Variants in ABI3BP observed in about 807,000 individuals in gnomAD.
ABI3BP encodes the protein target of Nesh-SH3.
In ABI3BP, 216 loss-of-function variants were observed where a neutral mutation model predicts 268.6. The observed-to-expected ratio is 0.80, with a 90% CI of 0.72 to 0.90. ABI3BP has a LOEUF of 0.90. Ranked by LOEUF, ABI3BP falls within the 40% of genes least tolerant of loss-of-function variation. ABI3BP has a pLI of 0.00. For missense variants in ABI3BP, 2,090 were observed against 2,182.4 expected, an observed-to-expected ratio of 0.96 and a Z score of 0.84; for synonymous variants, 730 against 730.0, an observed-to-expected ratio of 1.00 and a Z score of 0.00.
intron 1 of ABI3BP, among the ~76,000 whole-genome samples, chr3:100,944,036 A>C (rs1347300944): frequency 6.6e-6 from 1 of 152,102 alleles, no homozygotes; most frequent in East Asian, 1.9e-4. Flanking sequence ...CCATATAATG[A>C]CTTCATCTTC....
At chr3:100,805,213 T>TA (rs1318779408) in intron 50 of ABI3BP, among the ~76,000 whole-genome samples, 7 of 152,204 alleles carry the variant, frequency 4.6e-5, no homozygotes, top group African/African-American at 1.7e-4. Context: ...GACTTCTCCT[T>TA]AAACCCATTT....
chr3:100,774,570 T>C (rs1279357814), intron 61 of ABI3BP, 35 bp downstream of exon 61: 8 of 1,518,746 alleles, frequency 5.3e-6, no homozygotes, highest in Admixed American at 2.3e-5. Flanking sequence ...AAAATGGCCT[T>C]TTCAAATGTG....
chr3:100,930,477 CT>C (rs1428398101), intron 1 of ABI3BP, among the ~76,000 whole-genome samples: 1 of 151,646 alleles, frequency 6.6e-6, no homozygotes, highest in Non-Finnish European at 1.5e-5. Context: ...TTAAGAAATT[CT>C]TTTAAAAAAA....
At chr3:100,752,678 T>A in intron 66 of ABI3BP, 109 bp downstream of exon 66, 9 of 1,206,374 alleles carry the variant, frequency 7.5e-6, no homozygotes, top group Non-Finnish European at 9.2e-6. Context: ...AACTTGTGTT[T>A]ACAGCACCCA....
At chr3:100,788,342 C>A (rs933199232) in intron 56 of ABI3BP, among the ~76,000 whole-genome samples, 56 of 152,188 alleles carry the variant, frequency 3.7e-4, no homozygotes, top group Middle Eastern at 3.4e-3. Flanking sequence ...AAAGTCATAG[C>A]CTTACCAAAG....
chr3:100,803,561 A>C (rs2097595111), intron 51 of ABI3BP, among the ~76,000 whole-genome samples: 1 of 124,228 alleles, frequency 8.0e-6, no homozygotes, highest in Admixed American at 7.8e-5. Context: ...CAGTAGGGCA[A>C]ATATTAAATA....
intron 6 of ABI3BP, among the ~76,000 whole-genome samples, chr3:100,880,383 C>T (rs2099214952): frequency 6.6e-6 from 1 of 152,204 alleles, no homozygotes; most frequent in African/African-American, 2.4e-5. Flanking sequence ...CTTCTTCCTT[C>T]CGTAGTTCTT....
intron 1 of ABI3BP, among the ~76,000 whole-genome samples, chr3:100,947,092 T>C (rs1464711995): frequency 1.3e-5 from 2 of 152,206 alleles, no homozygotes; most frequent in Non-Finnish European, 2.9e-5. Context: ...TATTTGTCAT[T>C]TTTATGGTAA....
At chr3:100,875,721 A>G in intron 7 of ABI3BP, 142 bp from the exon 8 acceptor site, 4 of 637,500 alleles carry the variant, frequency 6.3e-6, no homozygotes, top group South Asian at 5.7e-5. Context: ...CTGGCTATAT[A>G]GCCAACAGAA....
intron 1 of ABI3BP, among the ~76,000 whole-genome samples, chr3:100,987,657 G>T (rs758886892): frequency 2.6e-5 from 4 of 152,044 alleles, no homozygotes; most frequent in Non-Finnish European, 5.9e-5. Context: ...TGATTATTAA[G>T]GATTATTAAC....
chr3:100,918,282 G>A (rs1185280191), intron 2 of ABI3BP, among the ~76,000 whole-genome samples: 5 of 149,202 alleles, frequency 3.4e-5, no homozygotes, highest in South Asian at 4.3e-4. Flanking sequence ...TCATCCACCC[G>A]TCCACCCATC....
intron 58 of ABI3BP, among the ~76,000 whole-genome samples, chr3:100,779,859 T>C (rs2096817217): frequency 6.6e-6 from 1 of 152,154 alleles, no homozygotes; most frequent in Non-Finnish European, 1.5e-5. Flanking sequence ...CATTTGTCCA[T>C]TATGGTCCCT....
At chr3:100,818,259 G>T (rs2098115353) in intron 41 of ABI3BP, among the ~76,000 whole-genome samples, 1 of 152,186 alleles carries the variant, frequency 6.6e-6, no homozygotes, top group Non-Finnish European at 1.5e-5. Context: ...AGCTTAAAAT[G>T]GTCAATGCTC....
chr3:100,864,832 C>T lies in ABI3BP; in HGVS notation c.1063+1G>A. 6.3e-7 allele frequency: 1 copy of T among 1,599,816 alleles called. No individual in the cohort carries two copies. Among genetic ancestry groups the T allele is most frequent in the South Asian group, 1.1e-5 (1 of 87,568 alleles). ...GAAAAAAAAAAAGTTCTTAGAATTA[C>T]CCAGTGTTGTTTCTGAAACATCTAA... On this transcript the variant is annotated splice_donor_variant, in intron 11 of 67. Transcript: ENST00000471714. LOFTEE classifies it high-confidence loss of function.
intron 35 of ABI3BP, among the ~76,000 whole-genome samples, chr3:100,825,441 A>G (rs550030890): frequency 6.6e-6 from 1 of 152,276 alleles, no homozygotes; most frequent in African/African-American, 2.4e-5. Context: ...CGTTATTGCC[A>G]ATCAGCTTAG....
chr3:100,964,364 A>G (rs1189391320), intron 1 of ABI3BP, among the ~76,000 whole-genome samples: 2 of 152,232 alleles, frequency 1.3e-5, no homozygotes, highest in African/African-American at 4.8e-5. Flanking sequence ...TGAGCCCTCC[A>G]TAAATCAGAC....
intron 3 of ABI3BP, 34 bp from the exon 4 acceptor site, chr3:100,898,928 A>C (rs752331274): frequency 1.3e-6 from 2 of 1,566,584 alleles, no homozygotes; most frequent in Non-Finnish European, 1.7e-6. Flanking sequence ...ATAATTCAGG[A>C]GACATTTAGT....
Position 100,749,379 on chromosome 3 carries a change from T to A in ABI3BP, c.*1116A>T, listed in dbSNP as rs1329100424. The A allele has an allele frequency of 3.3e-6, 1 of 302,842 alleles. No individual in the cohort carries two copies. Among genetic ancestry groups the A allele is most frequent in the Non-Finnish European group, 5.9e-6 (1 of 170,448 alleles). 18.8% of individuals were successfully genotyped at this position (302,842 alleles called of 1,614,324 possible). ...CTTTATTGCAGAATTTATACTTGTT[T>A]GAAAAATACAAAATGTAGCGTTGAT... On this transcript the variant is annotated 3_prime_UTR_variant, in exon 68 of 68. Coordinates refer to ENST00000471714, the MANE Select transcript of ABI3BP (RefSeq NM_001375547.2).
intron 23 of ABI3BP, 70 bp from the exon 24 acceptor site, chr3:100,839,686 C>G: frequency 7.6e-6 from 11 of 1,456,130 alleles, no homozygotes; most frequent in African/African-American, 1.4e-5. Context: ...GACATTATGC[C>G]TCAAGCTGGG....
Sources: allele counts gnomAD v4.1 joint callset (sites outside exome capture counted in the v4.1 genomes callset), GRCh38; gene constraint gnomAD v4.1.1; transcripts MANE v1.5; gene names NCBI Gene and HGNC (gene_info 2026-07-23, HGNC 2026-07-21).